Variants in FLNC observed in about 807,000 individuals in gnomAD.
The protein encoded by FLNC is filamin C, also known as filamin-C.
Under a neutral mutation model 254.3 loss-of-function variants are expected in FLNC, and 91 were observed. The ratio of observed to expected loss-of-function variants is 0.36; its 90% CI spans 0.30 to 0.43. The LOEUF is 0.43. Among genes scored for constraint, FLNC ranks in the 20% least tolerant of loss-of-function variants. FLNC has a pLI of 1.00. For synonymous variants in FLNC, 1,430 were observed against 1,577.2 expected (o/e 0.91, Z 2.21); for missense variants, 2,853 against 3,802.6 (o/e 0.75, Z 6.57).
chr7:128,852,446 T>G (rs1808857260), intron 35 of FLNC, 145 bp from the exon 36 acceptor site: 11 of 888,026 alleles, frequency 1.2e-5, no homozygotes, highest in Non-Finnish European at 2.0e-5. Context: ...GACTGCACTT[T>G]CCAGGCCTTG....
Position 128,857,074 on chromosome 7 carries a change from C to T in FLNC, c.7562-44C>T, listed in dbSNP as rs771367177. On this transcript the variant is annotated intron_variant, in intron 45 of 47. Coordinates refer to ENST00000325888, the MANE Select transcript of FLNC (RefSeq NM_001458.5). The surrounding 1 kb of genome is among the most constrained non-coding windows in gnomAD (Gnocchi z 4.5). ...AGCTGGGGCCCAGTCCCTCTTGGGC[C>T]ACAAGCCCTTCCTGCCCTCAGCCTT... The T allele has an allele frequency of 5.1e-5, 81 of 1,598,408 alleles. No individual in the cohort carries two copies. Among genetic ancestry groups the T allele is most frequent in the Middle Eastern group, 1.7e-4 (1 of 6,042 alleles).
rs1353654346 is a variant in FLNC at position 128,858,093 on chromosome 7, C to T, written c.7866C>T (p.Gly2622=). ...TGACCAAGTCCTCCTCAAGCCGGGG[C>T]TCCAGCTACAGCTCCATCCCCAAGT... ...ETVTKSSSSR[G]SSYSSIPKFS... The change falls in exon 47 of 48, where the codon GGC becomes GGT. Residue 2622 remains glycine, a synonymous_variant. Coordinates refer to ENST00000325888, the MANE Select transcript of FLNC (RefSeq NM_001458.5). This position sits in a 1 kb window ranked among gnomAD's most constrained non-coding sequence, Gnocchi z 6.7. 1 of 1,613,464 alleles carries T rather than the reference C, an allele frequency of 6.2e-7. No homozygotes were observed. Among genetic ancestry groups the T allele is most frequent in the Non-Finnish European group, 8.5e-7 (1 of 1,179,686 alleles).
In FLNC at chr7:128,836,388, A is replaced by G. The variant is rs1808094123; in HGVS notation, c.602-772A>G. 6.6e-6 allele frequency among the ~76,000 whole-genome samples: 1 copy of G among 152,134 alleles called. No individual in the cohort carries two copies. The highest frequency in any genetic ancestry group is 1.5e-5 in the Non-Finnish European group (1 of 68,012). ...TCCCAGCTGCTGAGCCATGGCCCAT[A>G]ACTGGTGTGGCTGCCAGCAGTGAGC... On this transcript the variant is annotated intron_variant, in intron 2 of 47. Transcript: ENST00000325888. The surrounding 1 kb of genome is among the most constrained non-coding windows in gnomAD (Gnocchi z 6.0).
chr7:128,846,205 G>A (rs1808560175), intron 22 of FLNC, 42 bp downstream of exon 22: 3 of 1,613,370 alleles, frequency 1.9e-6, no homozygotes, highest in Non-Finnish European at 2.5e-6. Context: ...GGCTGGGCAA[G>A]TGGGCAGGGC....
At position 128,844,975 on chromosome 7, in the gene FLNC, C is replaced by G. The variant is rs745571747; in HGVS notation, c.3510C>G (p.Val1170=). The change falls in exon 21 of 48, where the codon GTC becomes GTG. Residue 1170 remains valine (V), a synonymous_variant. Transcript: ENST00000325888. ...GACCGGGCCTGGAGCGCGGCAAGGTCGGTGAGGCAGCCACCTTCACTGTGG... is the reference window on the plus strand; with the variant it reads ...GACCGGGCCTGGAGCGCGGCAAGGTGGGTGAGGCAGCCACCTTCACTGTGG... ...ASGPGLERGK[V]GEAATFTVDC... is the part of the protein sequence containing the mutation. 1 of 1,613,744 alleles carries G rather than the reference C, an allele frequency of 6.2e-7. No homozygotes were observed. Among genetic ancestry groups the G allele is most frequent in the East Asian group, 2.2e-5 (1 of 44,888 alleles).
rs978431010 is a variant in FLNC, at chr7:128,856,188, C to T, written c.7252-330C>T. Reference sequence around the variant, plus strand: ...CTACCTCAGAGCTCTCTGGCACCCCCAGCCCACACAGCCCATCAGGCACTT... The same window carrying T: ...CTACCTCAGAGCTCTCTGGCACCCCTAGCCCACACAGCCCATCAGGCACTT... On this transcript the variant is annotated intron_variant, in intron 43 of 47. Coordinates refer to ENST00000325888, the MANE Select transcript of FLNC (RefSeq NM_001458.5). This position sits in a 1 kb window ranked among gnomAD's most constrained non-coding sequence, Gnocchi z 5.9. Among the ~76,000 whole-genome samples, 1 of 152,238 alleles carries T rather than the reference C, an allele frequency of 6.6e-6. No individual in the cohort carries two copies. Among genetic ancestry groups the T allele is most frequent in the African/African-American group, 2.4e-5 (1 of 41,460 alleles).
chr7:128,847,937 T>C lies in FLNC; in HGVS notation c.4457-8T>C, dbSNP rs2128937313. On this transcript the variant is annotated splice_polypyrimidine_tract_variant and splice_region_variant and intron_variant, in intron 25 of 47. Transcript: ENST00000325888. ...GGAGGCTCTGCTGACCCTGTGCCCC[T>C]TGCCCAGGTGTGGCCGAGCCTGTGG... The C allele has an allele frequency of 6.2e-6, 10 of 1,613,726 alleles. No homozygotes were observed. Among genetic ancestry groups the C allele is most frequent in the Non-Finnish European group, 8.5e-6 (10 of 1,179,830 alleles).
In FLNC at chr7:128,849,174, T is replaced by C. The variant is rs201957008; in HGVS notation, c.4928-7T>C. ...CCGCCTGGCCTCACACTCTTCTCTC[T>C]TTCCAGTGTCCATTGGAGGCCATGG... is the stretch of plus-strand genomic sequence containing the variant. On this transcript the variant is annotated splice_polypyrimidine_tract_variant and splice_region_variant and intron_variant, in intron 28 of 47. Transcript: ENST00000325888. 4.6e-3 allele frequency: 7,434 copies of C among 1,613,030 alleles called. 30 individuals are homozygous for C. The highest frequency in any genetic ancestry group is 0.011 in the South Asian group (1,041 of 91,014).
Position 128,848,068 on chromosome 7 carries a change from G to C in FLNC, c.4580G>C (p.Ser1527Thr). Residue 1527 changes from serine to threonine, a missense_variant and splice_region_variant, in exon 26 of 48, where the codon AGC becomes ACC. By Grantham distance (58) the Ser-to-Thr change is moderately conservative. Coordinates refer to ENST00000325888, the MANE Select transcript of FLNC (RefSeq NM_001458.5). ...TATGCTGACCAGGAGGTGCCACGCA[G>C]GTGAGGACCAGCCCTGGGCTCCTGT... Reference protein sequence around the residue: ...VKYADQEVPRSPFKIKVLPAH... With the variant: ...VKYADQEVPRTPFKIKVLPAH... 6.2e-7 allele frequency: 1 copy of C among 1,602,340 alleles called. No homozygotes were observed. The highest frequency in any genetic ancestry group is 8.5e-7 in the Non-Finnish European group (1 of 1,174,286).
chr7:128,854,984 G>A, intron 42 of FLNC, 72 bp downstream of exon 42: 1 of 1,543,462 alleles, frequency 6.5e-7, no homozygotes, highest in Non-Finnish European at 8.9e-7. Flanking sequence ...CACTGGCCAG[G>A]CAGGAGATGC....
chr7:128,858,513 A>G lies in FLNC; in HGVS notation c.8168A>G (p.Lys2723Arg). The part of the protein sequence containing the change: ...ESVPGSPFKV[K>R]VP ...GTCCCTGGAAGCCCCTTCAAAGTCA[A>G]GGTCCCTTGAATCCCAAAAGTGCCT... is the stretch of plus-strand genomic sequence containing the variant. Residue 2723 changes from lysine (K) to arginine (R), a missense_variant, in exon 48 of 48, where the codon AAG becomes AGG. Transcript: ENST00000325888. This position sits in a 1 kb window ranked among gnomAD's most constrained non-coding sequence, Gnocchi z 6.7. The G allele has an allele frequency of 6.2e-7, 1 of 1,613,258 alleles. No homozygotes were observed. The highest frequency in any genetic ancestry group is 8.5e-7 in the Non-Finnish European group (1 of 1,179,804).
rs1235776205 is a variant in FLNC at position 128,841,556 on chromosome 7, C to T, written c.2110C>T (p.Leu704Phe). The T allele has an allele frequency of 6.2e-7, 1 of 1,612,062 alleles. No individual in the cohort carries two copies. The highest frequency in any genetic ancestry group is 8.5e-7 in the Non-Finnish European group (1 of 1,178,090). ...TGCAGCTGGCAAGGGAGACCTGAAG[C>T]TCTATGCCCAGGTAGGTCATTGTCC... The part of the protein sequence containing the change: ...ARAAGKGDLK[L>F]YAQDADGCPI... Residue 704 changes from leucine to phenylalanine, a missense_variant, in exon 13 of 48, where the codon CTC becomes TTC. Leu to Phe is a conservative substitution (Grantham distance 22). Coordinates refer to ENST00000325888, the MANE Select transcript of FLNC (RefSeq NM_001458.5). The surrounding 1 kb of genome is among the most constrained non-coding windows in gnomAD (Gnocchi z 4.3).
At chr7:128,849,257 G>C in intron 29 of FLNC, 53 bp downstream of exon 29, 1 of 1,614,084 alleles carries the variant, frequency 6.2e-7, no homozygotes, top group Non-Finnish European at 8.5e-7. Flanking sequence ...GTTGGCGGTA[G>C]GGGGCGGGCA....
At position 128,859,212 on chromosome 7, in the gene FLNC, T is replaced by A. The variant is rs1157582856; in HGVS notation, c.*689T>A. The A allele has an allele frequency of 6.5e-6, 1 of 153,044 alleles. No homozygotes were observed. Among genetic ancestry groups the A allele is most frequent in the Non-Finnish European group, 1.5e-5 (1 of 68,368 alleles). The allele number at this position is 153,044 out of a possible 1,614,324, so 9.5% of individuals were successfully genotyped here. ...GCTTTCTAGGGGACTTTTGCACATGTCATGCAGCTCAGCTGGGAGCTGCTT... is the reference window on the plus strand; with the variant it reads ...GCTTTCTAGGGGACTTTTGCACATGACATGCAGCTCAGCTGGGAGCTGCTT... On this transcript the variant is annotated 3_prime_UTR_variant, in exon 48 of 48. Transcript: ENST00000325888.
Position 128,838,331 on chromosome 7 carries a change from C to T in FLNC, c.1112C>T (p.Ala371Val). The change falls in exon 7 of 48, where the codon GCC becomes GTC. Residue 371 changes from alanine (A) to valine (V), a missense_variant. By Grantham distance (64) the Ala-to-Val change is moderately conservative. Transcript: ENST00000325888. The stretch of plus-strand genomic sequence containing the variant: ...CCCTTTGAGGTGAACGTGGGCATGG[C>T]CCTGGGAGATGCCAACAAGGTGTCA... The part of the protein sequence containing the change: ...RSPFEVNVGM[A>V]LGDANKVSAR... 6.2e-7 allele frequency: 1 copy of T among 1,614,048 alleles called. No homozygotes were observed. The highest frequency in any genetic ancestry group is 2.2e-5 in the East Asian group (1 of 44,888).
intron 43 of FLNC, among the ~76,000 whole-genome samples, chr7:128,855,958 C>T (rs181803159): frequency 1.3e-5 from 2 of 152,290 alleles, no homozygotes; most frequent in Non-Finnish European, 2.9e-5. Context: ...CCTCCTTCTC[C>T]CACGCGCCTC....
At chr7:128,855,000 GC>G in intron 42 of FLNC, 88 bp downstream of exon 42, 1 of 1,436,868 alleles carries the variant, frequency 7.0e-7, no homozygotes, top group Non-Finnish European at 9.8e-7. Flanking sequence ...GATGCTTGGG[GC>G]CACAGAACTC....
rs1301036721 is a variant in FLNC at position 128,856,380 on chromosome 7, G to A, written c.7252-138G>A. ...CTCCTCCTGCTCCCAGGCTGGGCTG[G>A]CAGGCAGGGGCCAGGCTGGGCATGG... is the stretch of plus-strand genomic sequence containing the variant. On this transcript the variant is annotated intron_variant, in intron 43 of 47. Coordinates refer to ENST00000325888, the MANE Select transcript of FLNC (RefSeq NM_001458.5). This position sits in a 1 kb window ranked among gnomAD's most constrained non-coding sequence, Gnocchi z 5.9. The A allele has an allele frequency of 1.8e-6, 2 of 1,097,450 alleles. No individual in the cohort carries two copies. Among genetic ancestry groups the A allele is most frequent in the Admixed American group, 1.8e-5 (1 of 56,190 alleles). The allele number at this position is 1,097,450 out of a possible 1,614,324, so 68.0% of individuals were successfully genotyped here.
In FLNC at chr7:128,857,756, G is replaced by T. The variant is rs1380033953; in HGVS notation, c.7781-252G>T. Reference sequence around the variant, plus strand: ...GAGTTAGCCTGAGTTCCCAGACAAAGCCTGCAAGGATGAGGGACGCAGCAT... The same window carrying T: ...GAGTTAGCCTGAGTTCCCAGACAAATCCTGCAAGGATGAGGGACGCAGCAT... On this transcript the variant is annotated intron_variant, in intron 46 of 47. Transcript: ENST00000325888. This position sits in a 1 kb window ranked among gnomAD's most constrained non-coding sequence, Gnocchi z 4.5. Among the ~76,000 whole-genome samples, 2 of 152,124 alleles carry T rather than the reference G, an allele frequency of 1.3e-5. No individual in the cohort carries two copies. The highest frequency in any genetic ancestry group is 2.4e-5 in the African/African-American group (1 of 41,398).
Sources: gnomAD v4.1 joint callset for allele counts (sites outside exome capture counted in the v4.1 genomes callset) on GRCh38, gnomAD v4.1.1 for gene constraint, Gnocchi (gnomAD v3.1) non-coding constraint, MANE v1.5 for transcripts, NCBI Gene and HGNC (gene_info 2026-07-23, HGNC 2026-07-21) for gene names.